PCNX2: variants seen among roughly 807,000 people sequenced by gnomAD.
The protein encoded by PCNX2 is pecanex 2, also known as pecanex-like protein 2.
PCNX2 carries 168 observed loss-of-function variants against 223.8 expected under a neutral mutation model. The ratio of observed to expected loss-of-function variants is 0.75; its 90% CI spans 0.66 to 0.85. The LOEUF is 0.85. Among genes scored for constraint, PCNX2 ranks in the 40% least tolerant of loss-of-function variants. The probability of loss-of-function intolerance (pLI) is 0.00; values close to 1 mark genes in which losing one functional copy is unlikely to be tolerated. For missense variants in PCNX2, 2,507 were observed against 2,675.5 expected, an observed-to-expected ratio of 0.94 and a Z score of 1.39; for synonymous variants, 1,006 against 1,052.6, an observed-to-expected ratio of 0.96 and a Z score of 0.86.
Position 233,258,253 on chromosome 1 carries a change from T to C in PCNX2, c.1609A>G (p.Thr537Ala). 6.2e-7 allele frequency: 1 copy of C among 1,613,994 alleles called. No individual in the cohort carries two copies. Among genetic ancestry groups the C allele is most frequent in the Non-Finnish European group, 8.5e-7 (1 of 1,179,894 alleles). ...GAACTTTTACTCAAGAAGACATCTGTCCCACTGTCCACACTGAGCACCCGG... is the reference window on the plus strand; with the variant it reads ...GAACTTTTACTCAAGAAGACATCTGCCCCACTGTCCACACTGAGCACCCGG... ...HARVLSVDSG[T>A]DVFLSKSSAE... Residue 537 changes from threonine (T) to alanine (A), a missense_variant, in exon 5 of 34, where the codon ACA (threonine) becomes GCA (alanine). Transcript: ENST00000258229.
intron 10 of PCNX2, among the ~76,000 whole-genome samples, chr1:233,219,350 G>A (rs1408201591): frequency 6.6e-6 from 1 of 152,084 alleles, no homozygotes; most frequent in Non-Finnish European, 1.5e-5. Context: ...GGATTATAAT[G>A]TCAGAGGTGG....
chr1:233,306,374 G>A, the PCNX2 span, among the ~76,000 whole-genome samples: 29 of 152,186 alleles, frequency 1.9e-4, no homozygotes, highest in Non-Finnish European at 3.4e-4. Context: ...AGATTAACAA[G>A]GAAAGAGAAG....
chr1:233,042,314 T>C (rs1180965127), intron 25 of PCNX2, among the ~76,000 whole-genome samples: 3 of 152,190 alleles, frequency 2.0e-5, no homozygotes, highest in African/African-American at 7.2e-5. Context: ...ATTCCCTCAC[T>C]TGCCACTGTA....
intron 21 of PCNX2, among the ~76,000 whole-genome samples, chr1:233,120,647 CT>C (rs1675728489): frequency 6.6e-6 from 1 of 152,040 alleles, no homozygotes; most frequent in Non-Finnish European, 1.5e-5. Context: ...GTGAAAAAGT[CT>C]TAGAAAAGTG....
intron 28 of PCNX2, among the ~76,000 whole-genome samples, chr1:233,010,268 G>C (rs530121137): frequency 1.1e-4 from 17 of 152,232 alleles, no homozygotes; most frequent in Non-Finnish European, 2.2e-4. Context: ...GGAGTGGGTA[G>C]ATGGTAGATG....
At position 233,025,281 on chromosome 1, in the gene PCNX2, A is replaced by C. The variant is rs1453896204; in HGVS notation, c.4470T>G (p.Phe1490Leu). ...TTTCCCAGGTGAGCCAGCGGAGGTG[A>C]AAGGCAGCGTTGCAGGACAGCAGGT... ...LPHLLSCNAAFHLRWLTWEIT... is the reference protein window; with the variant it reads ...LPHLLSCNAALHLRWLTWEIT... Residue 1490 changes from phenylalanine (F) to leucine (L), a missense_variant, in exon 26 of 34, where the codon TTT becomes TTG. Transcript: ENST00000258229. 6.2e-7 allele frequency: 1 copy of C among 1,613,980 alleles called. No individual in the cohort carries two copies. Among genetic ancestry groups the C allele is most frequent in the Admixed American group, 1.7e-5 (1 of 60,026 alleles).
chr1:233,067,856 C>A (rs778949492), intron 23 of PCNX2, among the ~76,000 whole-genome samples: 1 of 152,104 alleles, frequency 6.6e-6, no homozygotes. Context: ...GACAGAACAA[C>A]AGACTGCTGT....
chr1:233,326,782 G>A, the PCNX2 span, among the ~76,000 whole-genome samples: 14,039 of 152,160 alleles, frequency 0.092, 694 homozygotes, highest in South Asian at 0.13. Flanking sequence ...TAATAACTAA[G>A]CTCTTCTATC....
At chr1:233,069,841 C>G (rs1318379123) in intron 23 of PCNX2, among the ~76,000 whole-genome samples, 1 of 151,570 alleles carries the variant, frequency 6.6e-6, no homozygotes. Context: ...AAAAGAAGAG[C>G]AAAGAAAACC....
At chr1:233,053,926 C>A (rs1205433979) in intron 25 of PCNX2, among the ~76,000 whole-genome samples, 1 of 152,166 alleles carries the variant, frequency 6.6e-6, no homozygotes. Flanking sequence ...ACCCACAGAA[C>A]AAGGTCGGGC....
Position 233,227,382 on chromosome 1 carries a change from C to T in PCNX2, c.2359-11G>A. The T allele has an allele frequency of 6.2e-7, 1 of 1,605,964 alleles. No individual in the cohort carries two copies. Among genetic ancestry groups the T allele is most frequent in the African/African-American group, 1.3e-5 (1 of 74,404 alleles). ...ATCCTGACTCACATGCTTTTAGATA[C>T]CAAAAGAAACAACAGAAAAAAGGGC... On this transcript the variant is annotated splice_polypyrimidine_tract_variant and intron_variant, in intron 9 of 33. Coordinates refer to ENST00000258229, the MANE Select transcript of PCNX2 (RefSeq NM_014801.4).
At chr1:233,050,180 A>G (rs1300064569) in intron 25 of PCNX2, among the ~76,000 whole-genome samples, 1 of 152,088 alleles carries the variant, frequency 6.6e-6, no homozygotes, top group Non-Finnish European at 1.5e-5. Context: ...TGGCACGTGT[A>G]TATCTATGTA....
At position 233,118,478 on chromosome 1, in the gene PCNX2, C is replaced by G. The variant is rs146392331; in HGVS notation, c.3837+16535G>C. ...TAGCATGGTTACCTACATAGAAAAT[C>G]TCAAGGCACCTACAAAAAAAAAAAA... On this transcript the variant is annotated intron_variant, in intron 21 of 33. Coordinates refer to ENST00000258229, the MANE Select transcript of PCNX2 (RefSeq NM_014801.4). 4.8e-4 allele frequency among the ~76,000 whole-genome samples: 57 copies of G among 118,862 alleles called. No individual in the cohort carries two copies. The South Asian group carries it at 0.013, about 26-fold the overall frequency. 78.0% of individuals were successfully genotyped at this position (118,862 alleles called of 152,430 possible). A position where few individuals can be genotyped will look rare whatever the true frequency, so the allele number is the denominator to read the frequency against.
chr1:233,233,027 G>A (rs1658161988), intron 9 of PCNX2: 1 of 985,364 alleles, frequency 1.0e-6, no homozygotes, highest in African/African-American at 1.7e-5. Flanking sequence ...GGAAAATGCT[G>A]TATTCCTACA....
chr1:233,025,448 A>C, intron 25 of PCNX2, 49 bp from the exon 26 acceptor site: 1 of 1,598,018 alleles, frequency 6.3e-7, no homozygotes, highest in Non-Finnish European at 8.5e-7. Context: ...GCATGCTAGA[A>C]TGTTTGCTTC....
chr1:233,315,596 A>G, the PCNX2 span, among the ~76,000 whole-genome samples: 3 of 152,142 alleles, frequency 2.0e-5, no homozygotes, highest in Non-Finnish European at 2.9e-5. Context: ...AGGGAGTTAC[A>G]CCTCCCAAAA....
intron 25 of PCNX2, among the ~76,000 whole-genome samples, chr1:233,049,952 T>A (rs763843908): frequency 4.4e-4 from 67 of 151,880 alleles, no homozygotes; most frequent in Non-Finnish European, 6.8e-4. Context: ...ACAAAAACAC[T>A]GTTGAAAAAT....
At chr1:233,234,418 T>G (rs1230479464) in intron 9 of PCNX2, among the ~76,000 whole-genome samples, 5 of 152,180 alleles carry the variant, frequency 3.3e-5, no homozygotes, top group Non-Finnish European at 7.3e-5. Flanking sequence ...TTTAAAATTT[T>G]TTACTTAAAG....
intron 5 of PCNX2, 116 bp from the exon 6 acceptor site, chr1:233,252,904 T>C: frequency 9.3e-7 from 1 of 1,077,588 alleles, no homozygotes; most frequent in South Asian, 1.8e-5. Flanking sequence ...GCAGCTCCTC[T>C]GCATGCAAAA....
Sources: gnomAD v4.1 joint callset for allele counts (sites outside exome capture counted in the v4.1 genomes callset) on GRCh38, gnomAD v4.1.1 for gene constraint, MANE v1.5 for transcripts, NCBI Gene and HGNC (gene_info 2026-07-23, HGNC 2026-07-21) for gene names.